The following SNAP23 variants were observed in gnomAD, a reference collection of about 807,000 sequenced individuals.
SNAP23 encodes synaptosome associated protein 23.
Under a neutral mutation model 29.0 loss-of-function variants are expected in SNAP23, and 11 were observed. That is an observed-to-expected ratio of 0.38 (90% confidence interval 0.24 to 0.63). The LOEUF (loss-of-function observed/expected upper bound fraction) is 0.63, where lower values mean the gene tolerates loss of function less well. Among genes scored for constraint, SNAP23 ranks in the 20% least tolerant of loss-of-function variants. The pLI, the probability that SNAP23 is intolerant of heterozygous loss-of-function variation, is 0.58. For synonymous variants in SNAP23, 60 were observed against 82.9 expected (o/e 0.72, Z 1.50); for missense variants, 220 against 253.9 (o/e 0.87, Z 0.91).
At chr15:42,506,778 ATTGT>A (rs374472654) in intron 1 of SNAP23, among the ~76,000 whole-genome samples, 2 of 151,000 alleles carry the variant, frequency 1.3e-5, no homozygotes, top group African/African-American at 4.9e-5. Context: ...CATATGATCT[ATTGT>A]TTGTTAAGGG....
upstream of SNAP23, among the ~76,000 whole-genome samples, chr15:42,494,053 C>T (rs2141489614): frequency 6.6e-6 from 1 of 152,256 alleles, no homozygotes; most frequent in Non-Finnish European, 1.5e-5. Context: ...CTTTATTCAA[C>T]CATTTTTTTC....
intron 5 of SNAP23, among the ~76,000 whole-genome samples, chr15:42,523,274 T>C (rs1759797854): frequency 6.6e-6 from 1 of 152,238 alleles, no homozygotes; most frequent in South Asian, 2.1e-4. Flanking sequence ...CTGAACTTCA[T>C]TAAAATTTAT....
At chr15:42,497,248 G>C (rs1370029518) in intron 1 of SNAP23, among the ~76,000 whole-genome samples, 1 of 130,554 alleles carries the variant, frequency 7.7e-6, no homozygotes, top group Non-Finnish European at 1.6e-5. Context: ...TTGCTCTGTC[G>C]CTCAGGCTGG....
intron 5 of SNAP23, among the ~76,000 whole-genome samples, chr15:42,525,742 G>A (rs930942114): frequency 2.6e-5 from 4 of 151,950 alleles, no homozygotes; most frequent in African/African-American, 9.7e-5. Flanking sequence ...TATTACAGGT[G>A]TGAATCACCG....
intron 5 of SNAP23, among the ~76,000 whole-genome samples, chr15:42,525,639 T>G (rs1194267576): frequency 6.6e-6 from 1 of 151,112 alleles, no homozygotes; most frequent in Non-Finnish European, 1.5e-5. Flanking sequence ...AAGTTTTGTA[T>G]TTTTAGTAGA....
At chr15:42,516,087 AAGG>A (rs2057394429) in intron 5 of SNAP23, among the ~76,000 whole-genome samples, 1 of 152,180 alleles carries the variant, frequency 6.6e-6, no homozygotes, top group African/African-American at 2.4e-5. Flanking sequence ...ATGCCAAACT[AAGG>A]AGTTGACAGA....
At chr15:42,501,247 A>G (rs1435500641) in intron 1 of SNAP23, among the ~76,000 whole-genome samples, 2 of 152,230 alleles carry the variant, frequency 1.3e-5, no homozygotes, top group African/African-American at 2.4e-5. Context: ...CCCTCCATAC[A>G]TACACACACA....
intron 1 of SNAP23, among the ~76,000 whole-genome samples, chr15:42,508,088 G>A (rs1219104472): frequency 6.6e-6 from 1 of 151,808 alleles, no homozygotes; most frequent in East Asian, 1.9e-4. Context: ...AACATAGTGA[G>A]ACCCTGTCTC....
chr15:42,507,234 G>A lies in SNAP23; in HGVS notation c.-14-4599G>A, dbSNP rs146372576. 9.2e-5 allele frequency among the ~76,000 whole-genome samples: 14 copies of A among 152,286 alleles called. No individual in the cohort carries two copies. The East Asian group carries it at 2.5e-3, about 27-fold the overall frequency. On this transcript the variant is annotated intron_variant, in intron 1 of 7. Coordinates refer to ENST00000249647, the MANE Select transcript of SNAP23 (RefSeq NM_003825.4). Reference sequence around the variant, plus strand: ...GCCTTGGGTAAGTTACCTAAACTGAGCCTTAGTTTCTCCATCTGTAAAATA... The same window carrying A: ...GCCTTGGGTAAGTTACCTAAACTGAACCTTAGTTTCTCCATCTGTAAAATA...
At chr15:42,506,727 T>C (rs904149476) in intron 1 of SNAP23, among the ~76,000 whole-genome samples, 14 of 152,186 alleles carry the variant, frequency 9.2e-5, no homozygotes, top group Non-Finnish European at 1.8e-4. Context: ...TGAGCCATCA[T>C]ATAGGATTGC....
intron 2 of SNAP23, 61 bp from the exon 3 acceptor site, chr15:42,512,894 C>T: frequency 7.7e-7 from 1 of 1,301,598 alleles, no homozygotes; most frequent in South Asian, 1.2e-5. Flanking sequence ...TGAATTTGGC[C>T]TGTGATCAGA....
chr15:42,491,745 A>G (rs1370449351), upstream of SNAP23, among the ~76,000 whole-genome samples: 1 of 152,126 alleles, frequency 6.6e-6, no homozygotes, highest in Non-Finnish European at 1.5e-5. Context: ...TGCCTAAGGT[A>G]TTTATAATAT....
chr15:42,525,420 A>ACAGAAAGAACATCTTCAAAGATC (rs2057492305), intron 5 of SNAP23, among the ~76,000 whole-genome samples: 1 of 136,646 alleles, frequency 7.3e-6, no homozygotes, highest in African/African-American at 2.7e-5. Flanking sequence ...TCCCCTTGTT[A>ACAGAAAGAACATCTTCAAAGATC]CAGAAAGAAC....
chr15:42,511,925 A>G, intron 2 of SNAP23, 22 bp downstream of exon 2: 1 of 1,517,308 alleles, frequency 6.6e-7, no homozygotes, highest in Non-Finnish European at 9.1e-7. Flanking sequence ...ACCTAAAATA[A>G]GTAAATAATT....
At chr15:42,523,069 C>T (rs2057463953) in intron 5 of SNAP23, among the ~76,000 whole-genome samples, 1 of 151,738 alleles carries the variant, frequency 6.6e-6, no homozygotes, top group African/African-American at 2.4e-5. Context: ...TGGTCTTGAA[C>T]TCCTGACCTC....
upstream of SNAP23, chr15:42,491,151 A>G (rs2057157651): frequency 1.3e-5 from 2 of 152,350 alleles, no homozygotes; most frequent in South Asian, 2.1e-4. Flanking sequence ...CGAAGCCGTC[A>G]CGCTCGCTTT....
chr15:42,527,272 T>A (rs2057512762), intron 5 of SNAP23, among the ~76,000 whole-genome samples: 1 of 152,216 alleles, frequency 6.6e-6, no homozygotes, highest in Non-Finnish European at 1.5e-5. Context: ...ATGCCTTTCT[T>A]TCCTGATGGC....
intron 5 of SNAP23, among the ~76,000 whole-genome samples, chr15:42,523,940 C>T (rs2057471855): frequency 6.6e-6 from 1 of 152,138 alleles, no homozygotes; most frequent in Non-Finnish European, 1.5e-5. Flanking sequence ...CCTCAGCCTC[C>T]CAAGTAGCTG....
chr15:42,503,490 C>T (rs746393282), intron 1 of SNAP23, among the ~76,000 whole-genome samples: 1 of 152,014 alleles, frequency 6.6e-6, no homozygotes. Flanking sequence ...CTGCCTCAGC[C>T]TCCCAAGTAG....
Sources: allele counts gnomAD v4.1 joint callset (sites outside exome capture counted in the v4.1 genomes callset), GRCh38; gene constraint gnomAD v4.1.1; transcripts MANE v1.5; gene names NCBI Gene and HGNC (gene_info 2026-07-23, HGNC 2026-07-21).